Variants in SLC35F1 observed in about 807,000 individuals in gnomAD.
The protein encoded by SLC35F1 is chromosome 6 open reading frame 169.
Under a neutral mutation model 48.7 loss-of-function variants are expected in SLC35F1, and 14 were observed. That is an observed-to-expected ratio of 0.29 (90% confidence interval 0.19 to 0.45). The LOEUF (loss-of-function observed/expected upper bound fraction) is 0.45. SLC35F1 is among the 20% of genes least tolerant of loss of function. SLC35F1 has a pLI of 1.00. For synonymous variants in SLC35F1, 190 were observed against 202.2 expected, an observed-to-expected ratio of 0.94 and a Z score of 0.51; for missense variants, 404 against 500.0, an observed-to-expected ratio of 0.81 and a Z score of 1.83.
chr6:117,992,660 T>C (rs1478139250), intron 1 of SLC35F1, among the ~76,000 whole-genome samples: 1 of 152,224 alleles, frequency 6.6e-6, no homozygotes, highest in Non-Finnish European at 1.5e-5. Flanking sequence ...TTCAGCTCCA[T>C]TTATTTCTCT....
chr6:118,255,099 C>G (rs1775625679), intron 3 of SLC35F1, among the ~76,000 whole-genome samples: 1 of 152,166 alleles, frequency 6.6e-6, no homozygotes, highest in African/African-American at 2.4e-5. Flanking sequence ...CTAATCCAGT[C>G]TAGACAACTT....
intron 1 of SLC35F1, among the ~76,000 whole-genome samples, chr6:117,923,680 T>TATGTACATATAC (rs1554216707): frequency 8.9e-5 from 1 of 11,290 alleles, no homozygotes; most frequent in East Asian, 2.9e-3. Context: ...TATATGTACA[T>TATGTACATATAC]ATATACATAT....
At chr6:118,195,195 A>G (rs1473800796) in intron 2 of SLC35F1, among the ~76,000 whole-genome samples, 2 of 152,138 alleles carry the variant, frequency 1.3e-5, no homozygotes, top group African/African-American at 4.8e-5. Flanking sequence ...ATGTACCCCC[A>G]TTACTTATCC....
At chr6:118,152,324 G>T (rs140977776) in intron 1 of SLC35F1, among the ~76,000 whole-genome samples, 9 of 152,316 alleles carry the variant, frequency 5.9e-5, no homozygotes, top group Middle Eastern at 3.4e-3. Flanking sequence ...AGAGGGTCAG[G>T]TTCCAGAGGT....
At chr6:118,257,354 C>G (rs1460953516) in intron 3 of SLC35F1, among the ~76,000 whole-genome samples, 1 of 150,762 alleles carries the variant, frequency 6.6e-6, no homozygotes, top group Non-Finnish European at 1.5e-5. Flanking sequence ...CTCTATGTCC[C>G]TTGCTGGAAA....
chr6:118,042,764 A>G (rs2114903245), intron 1 of SLC35F1, among the ~76,000 whole-genome samples: 1 of 152,272 alleles, frequency 6.6e-6, no homozygotes, highest in South Asian at 2.1e-4. Context: ...AATGAACAGG[A>G]AGGGCTCGAT....
chr6:117,929,490 TAG>T (rs1245384766), intron 1 of SLC35F1, among the ~76,000 whole-genome samples: 10 of 150,206 alleles, frequency 6.7e-5, no homozygotes, highest in East Asian at 3.9e-4. Flanking sequence ...TGTGTGTGTA[TAG>T]AGAGAGAGAG....
intron 1 of SLC35F1, among the ~76,000 whole-genome samples, chr6:117,941,499 T>C (rs778462362): frequency 6.6e-6 from 1 of 152,118 alleles, no homozygotes; most frequent in African/African-American, 2.4e-5. Context: ...CAATAGCAAA[T>C]ACTACAACAA....
At chr6:117,937,588 A>T (rs1280059636) in intron 1 of SLC35F1, among the ~76,000 whole-genome samples, 3 of 152,192 alleles carry the variant, frequency 2.0e-5, no homozygotes, top group Non-Finnish European at 2.9e-5. Flanking sequence ...GAAATACTGT[A>T]CCCAGCAGGC....
At chr6:118,308,278 T>G (rs1776335101) in intron 7 of SLC35F1, among the ~76,000 whole-genome samples, 1 of 152,248 alleles carries the variant, frequency 6.6e-6, no homozygotes, top group Non-Finnish European at 1.5e-5. Context: ...TGATTTATTT[T>G]CATGTGTGCG....
intron 1 of SLC35F1, among the ~76,000 whole-genome samples, chr6:118,097,782 G>A (rs1773197976): frequency 6.6e-6 from 1 of 152,168 alleles, no homozygotes; most frequent in African/African-American, 2.4e-5. Flanking sequence ...GTTAAAAATA[G>A]CACTGAGCTT....
At chr6:118,019,723 C>T (rs60195444) in intron 1 of SLC35F1, among the ~76,000 whole-genome samples, 12,638 of 152,088 alleles carry the variant, frequency 0.083, 1,161 homozygotes, top group African/African-American at 0.23. Context: ...ATAATTAGTA[C>T]CCACTATTGA....
chr6:118,275,066 C>T (rs1775904074), intron 4 of SLC35F1, among the ~76,000 whole-genome samples: 1 of 152,134 alleles, frequency 6.6e-6, no homozygotes, highest in Admixed American at 6.5e-5. Context: ...ATCTCAGCTA[C>T]TCTGGAGGCT....
At chr6:118,070,514 A>G (rs1234861090) in intron 1 of SLC35F1, among the ~76,000 whole-genome samples, 1 of 152,156 alleles carries the variant, frequency 6.6e-6, no homozygotes, top group Non-Finnish European at 1.5e-5. Context: ...ACATAACTGA[A>G]CACACATATG....
chr6:118,312,901 G>C (rs562862078), intron 7 of SLC35F1, among the ~76,000 whole-genome samples: 1 of 151,940 alleles, frequency 6.6e-6, no homozygotes. Flanking sequence ...TTCAGTATTA[G>C]CATTAAGGAC....
intron 1 of SLC35F1, among the ~76,000 whole-genome samples, chr6:117,952,397 A>G (rs923113396): frequency 4.1e-4 from 63 of 152,200 alleles, no homozygotes; most frequent in Non-Finnish European, 1.9e-4. Flanking sequence ...CATAGCCTGA[A>G]TGCTAAAGGA....
intron 7 of SLC35F1, among the ~76,000 whole-genome samples, chr6:118,286,069 A>G (rs1046492344): frequency 6.6e-6 from 1 of 152,196 alleles, no homozygotes; most frequent in African/African-American, 2.4e-5. Flanking sequence ...ATTAGAATTG[A>G]CATATGAGAA....
rs371150728 is a variant in SLC35F1, at chr6:118,027,350, C to T, written c.173+119451C>T. Among the ~76,000 whole-genome samples the T allele has an allele frequency of 1.0e-3, 155 of 152,198 alleles. 3 individuals are homozygous for T. In the South Asian group the frequency reaches 0.031, roughly 31 times the overall value. ...TCATATAGCAAATGTTTGTATAACTCTGTAAGAAACTGCCAAACTGTTTCC... is the reference window on the plus strand; with the variant it reads ...TCATATAGCAAATGTTTGTATAACTTTGTAAGAAACTGCCAAACTGTTTCC... On this transcript the variant is annotated intron_variant, in intron 1 of 7. Coordinates refer to ENST00000360388, the MANE Select transcript of SLC35F1 (RefSeq NM_001029858.4).
chr6:118,253,594 C>G (rs1282316699), intron 3 of SLC35F1, among the ~76,000 whole-genome samples: 2 of 151,684 alleles, frequency 1.3e-5, no homozygotes, highest in African/African-American at 4.8e-5. Flanking sequence ...TCAGAAACAC[C>G]AACGTTGAGA....
Sources: allele counts gnomAD v4.1 joint callset (sites outside exome capture counted in the v4.1 genomes callset), GRCh38; gene constraint gnomAD v4.1.1; transcripts MANE v1.5; gene names NCBI Gene and HGNC (gene_info 2026-07-23, HGNC 2026-07-21).